The following ABCC2 variants were observed in gnomAD, a reference collection of about 807,000 sequenced individuals.
ABCC2 encodes the protein ATP binding cassette subfamily C member 2.
A neutral mutation model predicts 173.4 loss-of-function variants in ABCC2; 157 were observed. The ratio of observed to expected loss-of-function variants is 0.91; its 90% confidence interval spans 0.80 to 1.03. The LOEUF (loss-of-function observed/expected upper bound fraction) is 1.03, where lower values mean the gene tolerates loss of function less well. Among genes scored for constraint, ABCC2 ranks in the 50% least tolerant of loss-of-function variants. The probability of loss-of-function intolerance (pLI) is 0.00; values close to 1 mark genes in which losing one functional copy is unlikely to be tolerated. For synonymous variants in ABCC2, 657 were observed against 693.5 expected (o/e 0.95, Z 0.83); for missense variants, 1,822 against 1,852.3 (o/e 0.98, Z 0.30).
At position 99,811,685 on chromosome 10, in the gene ABCC2, G is replaced by A. The variant is rs34839727; in HGVS notation, c.1967+83G>A. The A allele has an allele frequency of 8.3e-4, 1,208 of 1,448,374 alleles. 9 individuals are homozygous for A. The African/African-American group carries it at 0.014, about 17-fold the overall frequency. 89.7% of individuals were successfully genotyped at this position (1,448,374 alleles called of 1,614,324 possible). A position where few individuals can be genotyped will look rare whatever the true frequency, so the allele number is the denominator to read the frequency against. On this transcript the variant is annotated intron_variant, in intron 15 of 31. Coordinates refer to ENST00000647814, the MANE Select transcript of ABCC2 (RefSeq NM_000392.5). Reference sequence around the variant, plus strand: ...CTCAGAAAATTCCATGTAATAGAATGCATGGGGAAATGAGCTATGTGCATG... The same window carrying A: ...CTCAGAAAATTCCATGTAATAGAATACATGGGGAAATGAGCTATGTGCATG...
intron 19 of ABCC2, 99 bp downstream of exon 19, chr10:99,819,368 TTTGGAAGCAAACTACCCAGAGATTCAAA>T: frequency 8.4e-7 from 1 of 1,184,308 alleles, no homozygotes; most frequent in Non-Finnish European, 1.2e-6. Context: ...GTGAACTAGA[TTTGGAAGCAAACTACCCAGAGATTCAAA>T]CTCTGCTTTC....
chr10:99,814,192 C>CAT lies in ABCC2; in HGVS notation c.2094+1049_2094+1050dup, dbSNP rs1564683519. 3.3e-3 allele frequency among the ~76,000 whole-genome samples: 268 copies of CAT among 81,568 alleles called. 18 individuals carry two copies. The highest frequency in any genetic ancestry group is 0.01 in the African/African-American group (233 of 22,846). 53.5% of individuals were successfully genotyped at this position (81,568 alleles called of 152,430 possible). A position where few individuals can be genotyped will look rare whatever the true frequency, so the allele number is the denominator to read the frequency against. On this transcript the variant is annotated intron_variant, in intron 16 of 31. Transcript: ENST00000647814. ...ATATACACACATGTATGTATACACA[C>CAT]ATGTGTATATATACACACATGTGTA...
intron 30 of ABCC2, among the ~76,000 whole-genome samples, chr10:99,849,258 C>A (rs2039058114): frequency 6.6e-6 from 1 of 152,178 alleles, no homozygotes; most frequent in Non-Finnish European, 1.5e-5. Flanking sequence ...TACTGTGTGC[C>A]AGGTACTGAA....
chr10:99,783,861 C>G (rs2037659888), intron 1 of ABCC2, among the ~76,000 whole-genome samples: 1 of 152,128 alleles, frequency 6.6e-6, no homozygotes. Flanking sequence ...GACAAACTTT[C>G]TTGGTCAGGG....
intron 15 of ABCC2, 94 bp from the exon 16 acceptor site, chr10:99,812,924 A>G: frequency 1.3e-6 from 2 of 1,528,818 alleles, no homozygotes; most frequent in Admixed American, 1.7e-5. Context: ...AAATCTCCTG[A>G]TACCAGACTT....
At chr10:99,842,916 G>C (rs923282184) in intron 26 of ABCC2, among the ~76,000 whole-genome samples, 1 of 152,116 alleles carries the variant, frequency 6.6e-6, no homozygotes, top group Non-Finnish European at 1.5e-5. Flanking sequence ...AGCCAGGCAT[G>C]GTGATGAGTG....
intron 19 of ABCC2, 83 bp from the exon 20 acceptor site, chr10:99,830,224 C>G: frequency 6.4e-7 from 1 of 1,565,842 alleles, no homozygotes; most frequent in South Asian, 1.1e-5. Context: ...CCAGCAAGAT[C>G]AGAGGAGGCT....
At chr10:99,827,041 T>C (rs2038654533) in intron 19 of ABCC2, among the ~76,000 whole-genome samples, 2 of 150,990 alleles carry the variant, frequency 1.3e-5, no homozygotes, top group South Asian at 2.1e-4. Context: ...CTACCCTGTC[T>C]ACTAGGTGGT....
Position 99,813,099 on chromosome 10 carries a change from C to G in ABCC2, c.2049C>G (p.Ala683=). The part of the protein sequence containing the change: ...VGSGKSSLIS[A]MLGEMENVHG... ...CTGGGAAATCCTCCTTGATATCAGC[C>G]ATGCTGGGAGAAATGGAAAATGTCC... Residue 683 remains alanine, a synonymous_variant, in exon 16 of 32, where the codon GCC becomes GCG. Transcript: ENST00000647814. 1 of 1,614,102 alleles carries G rather than the reference C, an allele frequency of 6.2e-7. No homozygotes were observed. The highest frequency in any genetic ancestry group is 8.5e-7 in the Non-Finnish European group (1 of 1,179,956).
chr10:99,841,602 G>A (rs1359398005), intron 25 of ABCC2, among the ~76,000 whole-genome samples: 2 of 151,958 alleles, frequency 1.3e-5, no homozygotes, highest in African/African-American at 4.8e-5. Context: ...CCCATCCTAG[G>A]CCCCCTGAAA....
rs1482303144 is a variant in ABCC2 at position 99,813,039 on chromosome 10, A to G, written c.1989A>G (p.Ala663=). 1 of 1,613,928 alleles carries G rather than the reference A, an allele frequency of 6.2e-7. No individual in the cohort carries two copies. The highest frequency in any genetic ancestry group is 2.2e-5 in the East Asian group (1 of 44,890). The change falls in exon 16 of 32, where the codon GCA becomes GCG. Residue 663 remains alanine, a synonymous_variant. Transcript: ENST00000647814. ...TVRDVNLDIM[A]GQLVAVIGPV... ...TCAGTGTGAACCTGGACATTATGGCAGGCCAACTTGTGGCTGTGATAGGCC... is the reference window on the plus strand; with the variant it reads ...TCAGTGTGAACCTGGACATTATGGCGGGCCAACTTGTGGCTGTGATAGGCC...
chr10:99,814,819 T>A (rs1429915597), intron 16 of ABCC2, among the ~76,000 whole-genome samples: 3 of 142,162 alleles, frequency 2.1e-5, no homozygotes, highest in African/African-American at 7.9e-5. Flanking sequence ...ATATATATAT[T>A]TTGAGACAGA....
At chr10:99,790,666 A>AT (rs912607989) in intron 2 of ABCC2, among the ~76,000 whole-genome samples, 6 of 152,060 alleles carry the variant, frequency 3.9e-5, no homozygotes, top group East Asian at 1.9e-4. Flanking sequence ...ATGAAGCTAC[A>AT]TTTTTTTCCC....
At chr10:99,804,634 A>G (rs759832601) in intron 10 of ABCC2, among the ~76,000 whole-genome samples, 5 of 152,066 alleles carry the variant, frequency 3.3e-5, no homozygotes, top group Non-Finnish European at 7.4e-5. Context: ...GAGCAGTCGC[A>G]TGAGTGATCC....
At chr10:99,830,550 C>A in intron 20 of ABCC2, 117 bp downstream of exon 20, 1 of 1,570,790 alleles carries the variant, frequency 6.4e-7, no homozygotes, top group Non-Finnish European at 8.7e-7. Context: ...CCAAGCTCTT[C>A]CTTTGTTTCT....
At chr10:99,814,982 TTTTAC>T (rs1347969549) in intron 16 of ABCC2, among the ~76,000 whole-genome samples, 7 of 151,702 alleles carry the variant, frequency 4.6e-5, no homozygotes, top group Admixed American at 1.3e-4. Context: ...TTTTTTTTTT[TTTTAC>T]TTTAAGTTCC....
At chr10:99,813,266 T>G in intron 16 of ABCC2, 122 bp downstream of exon 16, 1 of 1,307,738 alleles carries the variant, frequency 7.6e-7, no homozygotes, top group South Asian at 1.3e-5. Flanking sequence ...ATCCGATAGA[T>G]TTGTGGACTG....
rs2037931362 is a variant in ABCC2 at position 99,797,210 on chromosome 10, A to T, written c.746A>T (p.Glu249Val). 6.2e-7 allele frequency: 1 copy of T among 1,614,006 alleles called. No homozygotes were observed. The highest frequency in any genetic ancestry group is 8.5e-7 in the Non-Finnish European group (1 of 1,180,018). Residue 249 changes from glutamate to valine, a missense_variant, in exon 7 of 32, where the codon GAG (glutamate) becomes GTG (valine). By Grantham distance (121) the Glu-to-Val change is moderately radical (BLOSUM62 -2). Transcript: ENST00000647814. ...AAGTTTGAAACGCACATGAAGAGAG[A>T]GCTGCAGAAAGCCAGGCGGGCACTC... ...VSKFETHMKR[E>V]LQKARRALQR...
chr10:99,830,585 G>A (rs2038721476), intron 20 of ABCC2, 131 bp from the exon 21 acceptor site: 16 of 1,559,260 alleles, frequency 1.0e-5, no homozygotes, highest in South Asian at 2.2e-5. Context: ...GGGAAAGATC[G>A]GGGTTGTGTC....
Sources: allele counts gnomAD v4.1 joint callset (sites outside exome capture counted in the v4.1 genomes callset), GRCh38; gene constraint gnomAD v4.1.1; transcripts MANE v1.5; gene names NCBI Gene and HGNC (gene_info 2026-07-23, HGNC 2026-07-21).